DAOA: variants seen among roughly 807,000 people sequenced by gnomAD.
The protein encoded by DAOA is D-amino acid oxidase regulator.
DAOA carries 15 observed loss-of-function variants against 16.4 expected under a neutral mutation model. The ratio of observed to expected loss-of-function variants is 0.91; its 90% confidence interval spans 0.61 to 1.41. The LOEUF is 1.41. DAOA is among the 40% of genes most tolerant of loss of function. The pLI is 0.00. For missense variants in DAOA, 230 were observed against 176.8 expected (o/e 1.30, Z -1.71); for synonymous variants, 75 against 59.1 (o/e 1.27, Z -1.23).
At chr13:105,471,586 A>C (rs2139172218) in intron 3 of DAOA, among the ~76,000 whole-genome samples, 1 of 152,352 alleles carries the variant, frequency 6.6e-6, no homozygotes, top group South Asian at 2.1e-4. Flanking sequence ...ATGATAAGGC[A>C]TTTAAAGACA....
chr13:105,466,009 A>G (rs1876485762), upstream of DAOA: 1 of 346,298 alleles, frequency 2.9e-6, no homozygotes, highest in Non-Finnish European at 5.2e-6. Context: ...TTCATTTCTT[A>G]AAATTTGCTG....
chr13:105,482,017 T>A (rs1057374203), intron 4 of DAOA, among the ~76,000 whole-genome samples: 6 of 152,172 alleles, frequency 3.9e-5, no homozygotes, highest in East Asian at 3.9e-4. Context: ...AAGGGACTTA[T>A]ATGGCAGCAG....
At chr13:105,479,915 T>C (rs1877592878) in intron 4 of DAOA, among the ~76,000 whole-genome samples, 1 of 152,150 alleles carries the variant, frequency 6.6e-6, no homozygotes, top group Non-Finnish European at 1.5e-5. Context: ...TTATTTTTCA[T>C]TGCAATACAG....
chr13:105,472,636 C>G lies in DAOA; in HGVS notation c.232C>G (p.Gln78Glu), dbSNP rs756755022. ...GYLEMAQRHLQRSLCPWVSYL... is the reference protein window; with the variant it reads ...GYLEMAQRHLERSLCPWVSYL... ...TTTGGAAATGGCACAGAGGCATTTA[C>G]AGAGATCATTATGTCCTTGGGTCTC... Residue 78 changes from glutamine to glutamate, a missense_variant, in exon 4 of 6, where the codon CAG (glutamine) becomes GAG (glutamate). Coordinates refer to ENST00000375936, the MANE Select transcript of DAOA (RefSeq NM_172370.5). 1.2e-6 allele frequency: 2 copies of G among 1,614,044 alleles called. No individual in the cohort carries two copies. Among genetic ancestry groups the G allele is most frequent in the South Asian group, 2.2e-5 (2 of 91,082 alleles).
intron 2 of DAOA, 31 bp downstream of exon 2, chr13:105,466,363 C>T (rs1317852484): frequency 3.8e-5 from 61 of 1,613,488 alleles, no homozygotes; most frequent in Non-Finnish European, 4.7e-5. Context: ...TACAGCATGG[C>T]GGCCTCAGTG....
intron 4 of DAOA, among the ~76,000 whole-genome samples, chr13:105,482,526 T>C (rs1877820951): frequency 6.6e-6 from 1 of 151,294 alleles, no homozygotes; most frequent in Non-Finnish European, 1.5e-5. Flanking sequence ...TTTTTTTTCT[T>C]TGAGATGGAG....
chr13:105,489,771 C>T (rs539330715), intron 4 of DAOA, 130 bp from the exon 5 acceptor site: 4 of 1,591,744 alleles, frequency 2.5e-6, no homozygotes, highest in African/African-American at 2.7e-5. Context: ...TGTATAACCC[C>T]TTACCCTTGA....
intron 4 of DAOA, among the ~76,000 whole-genome samples, chr13:105,484,124 T>C (rs1032468954): frequency 1.3e-5 from 2 of 152,168 alleles, no homozygotes; most frequent in South Asian, 4.1e-4. Flanking sequence ...GTTGAAAATA[T>C]GATATTGCTA....
chr13:105,487,244 T>C (rs1046177790), intron 4 of DAOA, among the ~76,000 whole-genome samples: 1 of 152,216 alleles, frequency 6.6e-6, no homozygotes, highest in Non-Finnish European at 1.5e-5. Flanking sequence ...GACTGGCTTC[T>C]GCTCCCCATT....
At chr13:105,475,501 A>C (rs1397650885) in intron 4 of DAOA, among the ~76,000 whole-genome samples, 2 of 152,150 alleles carry the variant, frequency 1.3e-5, no homozygotes, top group African/African-American at 4.8e-5. Flanking sequence ...CAGAGGAGTT[A>C]CGTTTTATGA....
At chr13:105,478,576 G>C (rs1877500685) in intron 4 of DAOA, among the ~76,000 whole-genome samples, 1 of 152,130 alleles carries the variant, frequency 6.6e-6, no homozygotes, top group Non-Finnish European at 1.5e-5. Context: ...TAGGAAAAGG[G>C]AGTCTCCAGT....
chr13:105,482,747 C>A (rs1877842117), intron 4 of DAOA, among the ~76,000 whole-genome samples: 1 of 152,146 alleles, frequency 6.6e-6, no homozygotes, highest in South Asian at 2.1e-4. Context: ...ACCTCGTGAT[C>A]TGCCTGCTTC....
At chr13:105,486,504 C>T (rs1229637208) in intron 4 of DAOA, among the ~76,000 whole-genome samples, 5 of 152,110 alleles carry the variant, frequency 3.3e-5, no homozygotes, top group African/African-American at 4.8e-5. Flanking sequence ...ACAGAGTGTG[C>T]TTATTTGCTT....
intron 5 of DAOA, chr13:105,490,594 C>T (rs1008173685): frequency 2.6e-5 from 4 of 151,970 alleles, no homozygotes; most frequent in African/African-American, 9.7e-5. Flanking sequence ...TGGACCCTTC[C>T]CTACTTTTAT....
intron 4 of DAOA, among the ~76,000 whole-genome samples, chr13:105,477,593 G>C (rs1408329290): frequency 1.3e-5 from 2 of 152,142 alleles, no homozygotes; most frequent in Non-Finnish European, 2.9e-5. Context: ...ATATGTTGGT[G>C]CATGCCTGTA....
At chr13:105,487,639 T>C (rs937835496) in intron 4 of DAOA, among the ~76,000 whole-genome samples, 4 of 149,548 alleles carry the variant, frequency 2.7e-5, no homozygotes, top group African/African-American at 7.3e-5. Context: ...CTAGAGGGAA[T>C]AGAGTAAATA....
chr13:105,470,071 G>A (rs988803541), intron 3 of DAOA, among the ~76,000 whole-genome samples: 4 of 150,222 alleles, frequency 2.7e-5, no homozygotes, highest in African/African-American at 9.8e-5. Flanking sequence ...TTTGTCCCCA[G>A]GCTGGACATG....
At position 105,472,582 on chromosome 13, in the gene DAOA, G is replaced by A. The variant is rs140575409; in HGVS notation, c.178G>A (p.Gly60Arg). 182 of 1,614,070 alleles carry A rather than the reference G, an allele frequency of 1.1e-4. 1 individual carries two copies. The Middle Eastern group carries it at 2.1e-3, about 19-fold the overall frequency. The stretch of plus-strand genomic sequence containing the variant: ...AAGAGAGACGGTAACAAGGAAAGAA[G>A]GATGGAAGAGAAGGCATGAGGACGG... Reference protein sequence around the residue: ...EGRETVTRKEGWKRRHEDGYL... With the variant: ...EGRETVTRKERWKRRHEDGYL... Residue 60 changes from glycine (G) to arginine (R), a missense_variant, in exon 4 of 6, where the codon GGA becomes AGA. Physicochemically the swap from Gly to Arg is moderately radical, Grantham distance 125 (BLOSUM62 -2). Coordinates refer to ENST00000375936, the MANE Select transcript of DAOA (RefSeq NM_172370.5).
intron 2 of DAOA, 71 bp from the exon 3 acceptor site, chr13:105,466,982 T>G: frequency 6.5e-7 from 1 of 1,528,696 alleles, no homozygotes; most frequent in Non-Finnish European, 8.8e-7. Context: ...CCATTGATGT[T>G]GCTTATTCTT....
Sources: gnomAD v4.1 joint callset for allele counts (sites outside exome capture counted in the v4.1 genomes callset) on GRCh38, gnomAD v4.1.1 for gene constraint, MANE v1.5 for transcripts, NCBI Gene and HGNC (gene_info 2026-07-23, HGNC 2026-07-21) for gene names.